The following FOXA3 variants were observed in gnomAD, a reference collection of about 807,000 sequenced individuals.
FOXA3 encodes the protein forkhead box A3.
FOXA3 carries 11 observed loss-of-function variants against 16.9 expected under a neutral mutation model. The ratio of observed to expected loss-of-function variants is 0.65; its 90% CI spans 0.41 to 1.08. FOXA3 has a LOEUF of 1.08. FOXA3 is among the 50% of genes least tolerant of loss of function. The pLI, the probability that FOXA3 is intolerant of heterozygous loss-of-function variation, is 0.00. For missense variants in FOXA3, 423 were observed against 470.1 expected (o/e 0.90, Z 0.93); for synonymous variants, 217 against 203.3 (o/e 1.07, Z -0.57).
chr19:45,871,741 A>G (rs1243225876), intron 1 of FOXA3, among the ~76,000 whole-genome samples: 2 of 152,092 alleles, frequency 1.3e-5, no homozygotes, highest in Non-Finnish European at 2.9e-5. Flanking sequence ...CTCGAAAAAA[A>G]AAATAGCATT....
chr19:45,867,778 T>TAAAAAAAA (rs1600548628), intron 1 of FOXA3, among the ~76,000 whole-genome samples: 1 of 18,550 alleles, frequency 5.4e-5, no homozygotes, highest in African/African-American at 4.1e-4. Context: ...AGACTCTATC[T>TAAAAAAAA]CAAAAAAAAA....
chr19:45,866,265 T>A (rs1002068350), intron 1 of FOXA3, among the ~76,000 whole-genome samples: 2 of 151,920 alleles, frequency 1.3e-5, no homozygotes, highest in African/African-American at 4.8e-5. Flanking sequence ...AATTTTTTTT[T>A]AATTAGTCAG....
At chr19:45,870,786 C>G (rs770244464) in intron 1 of FOXA3, among the ~76,000 whole-genome samples, 1 of 152,000 alleles carries the variant, frequency 6.6e-6, no homozygotes, top group Non-Finnish European at 1.5e-5. Flanking sequence ...CCAGGCTGGT[C>G]TTGAACTTCT....
Position 45,872,502 on chromosome 19 carries a change from G to A in FOXA3, c.497G>A (p.Arg166His), listed in dbSNP as rs1259370331. ...CAGCAGCGCTGGCAGAACTCCATTC[G>A]CCACTCGCTGTCTTTCAACGACTGC... ...ENQQRWQNSI[R>H]HSLSFNDCFV... The change falls in exon 2 of 2, where the codon CGC (arginine) becomes CAC (histidine). Residue 166 changes from arginine to histidine, a missense_variant. By Grantham distance (29) the Arg-to-His change is conservative. Coordinates refer to ENST00000302177, the MANE Select transcript of FOXA3 (RefSeq NM_004497.3). This position sits in a 1 kb window ranked among gnomAD's most constrained non-coding sequence, Gnocchi z 4.5. The A allele has an allele frequency of 3.1e-6, 5 of 1,613,998 alleles. No homozygotes were observed. Among genetic ancestry groups the A allele is most frequent in the Admixed American group, 3.3e-5 (2 of 60,006 alleles).
intron 1 of FOXA3, among the ~76,000 whole-genome samples, chr19:45,869,866 A>C (rs1438982194): frequency 6.6e-6 from 1 of 151,730 alleles, no homozygotes; most frequent in East Asian, 1.9e-4. Flanking sequence ...GCTCACTGCA[A>C]CCTCCACCTT....
intron 1 of FOXA3, among the ~76,000 whole-genome samples, chr19:45,869,760 T>C (rs1025768431): frequency 3.9e-5 from 6 of 151,996 alleles, no homozygotes; most frequent in African/African-American, 1.5e-4. Context: ...CACTTTTATG[T>C]ATAAATACAG....
chr19:45,867,982 TG>T (rs1381661346), intron 1 of FOXA3, among the ~76,000 whole-genome samples: 1 of 125,068 alleles, frequency 8.0e-6, no homozygotes, highest in East Asian at 2.3e-4. Flanking sequence ...GGGTCGAGGG[TG>T]GGCAGGAAGA....
At position 45,864,411 on chromosome 19, in the gene FOXA3, TC is replaced by T. The variant is rs1407637280; in HGVS notation, c.-41del. Reference sequence around the variant, plus strand: ...CGCTGAGAGATCCAGAGCGCTCCGTTCCCCCGGGGCCGGAGCGGGGGCGGGT... The same window carrying T: ...CGCTGAGAGATCCAGAGCGCTCCGTTCCCCGGGGCCGGAGCGGGGGCGGGT... On this transcript the variant is annotated 5_prime_UTR_variant, in exon 1 of 2. Transcript: ENST00000302177. 4.5e-6 allele frequency: 6 copies of T among 1,337,918 alleles called. No homozygotes were observed. Among genetic ancestry groups the T allele is most frequent in the Non-Finnish European group, 5.8e-6 (6 of 1,026,070 alleles). The allele number at this position is 1,337,918 out of a possible 1,614,324, so 82.9% of individuals were successfully genotyped here.
chr19:45,866,527 C>G (rs1184754979), intron 1 of FOXA3, among the ~76,000 whole-genome samples: 1 of 152,104 alleles, frequency 6.6e-6, no homozygotes, highest in Non-Finnish European at 1.5e-5. Context: ...GAGGCTCTCC[C>G]CAGCCTTCCC....
Position 45,872,288 on chromosome 19 carries a change from C to T in FOXA3, c.283C>T (p.Pro95Ser). ...CAGCAGCAGCTCCGGGTACGGGGCC[C>T]CGGGTCCTGGGCTGGTGCACGGGAA... is the stretch of plus-strand genomic sequence containing the variant. ...GGSSSSGYGA[P>S]GPGLVHGKEM... Residue 95 changes from proline to serine, a missense_variant, in exon 2 of 2, where the codon CCG (proline) becomes TCG (serine). Around this residue, in one of 3 missense-constraint regions of FOXA3, gnomAD observed 170 missense variants for 153.9 expected, o/e 1.10. Coordinates refer to ENST00000302177, the MANE Select transcript of FOXA3 (RefSeq NM_004497.3). The surrounding 1 kb of genome is among the most constrained non-coding windows in gnomAD (Gnocchi z 4.5). 2 of 1,613,316 alleles carry T rather than the reference C, an allele frequency of 1.2e-6. No individual in the cohort carries two copies. The highest frequency in any genetic ancestry group is 1.7e-6 in the Non-Finnish European group (2 of 1,179,378).
intron 1 of FOXA3, among the ~76,000 whole-genome samples, chr19:45,870,367 G>T (rs1184739983): frequency 2.0e-5 from 3 of 150,362 alleles, no homozygotes; most frequent in Admixed American, 6.7e-5. Flanking sequence ...TAGAGACAGG[G>T]TTTCACCGTG....
chr19:45,868,344 C>A (rs1350110479), intron 1 of FOXA3, among the ~76,000 whole-genome samples: 2 of 151,928 alleles, frequency 1.3e-5, no homozygotes, highest in Non-Finnish European at 2.9e-5. Context: ...CTTTGGGAGG[C>A]CGAGGCAGGA....
chr19:45,865,372 C>T (rs1435583791), intron 1 of FOXA3, among the ~76,000 whole-genome samples: 3 of 152,158 alleles, frequency 2.0e-5, no homozygotes, highest in East Asian at 3.9e-4. Context: ...TGGGGGGTGG[C>T]GGCATATTCT....
Position 45,873,057 on chromosome 19 carries a change from AGC to A in FOXA3, c.1053_*1del. On this transcript the variant is annotated stop_retained_variant and 3_prime_UTR_variant, in exon 2 of 2. Coordinates refer to ENST00000302177, the MANE Select transcript of FOXA3 (RefSeq NM_004497.3). ...TCCCGCTCTTTGCTTAATGCATCCT[AGC>A]AGGGGTTGGGAACATGGTGGTGGGT... The A allele has an allele frequency of 1.9e-6, 3 of 1,586,508 alleles. No individual in the cohort carries two copies. The South Asian group carries it at 3.4e-5, about 18-fold the overall frequency.
At position 45,872,917 on chromosome 19, in the gene FOXA3, C is replaced by G; in HGVS notation, c.912C>G (p.Phe304Leu). ...CGCCCTACAACTTCAACCACCCTTT[C>G]TCCATCAACAACCTAATGTCAGAAC... The part of the protein sequence containing the change: ...LDAPYNFNHP[F>L]SINNLMSEQT... The change falls in exon 2 of 2, where the codon TTC becomes TTG. Residue 304 changes from phenylalanine (F) to leucine (L), a missense_variant. Around this residue, in one of 3 missense-constraint regions of FOXA3, gnomAD observed 168 missense variants for 179.3 expected, o/e 0.94. Coordinates refer to ENST00000302177, the MANE Select transcript of FOXA3 (RefSeq NM_004497.3). This position sits in a 1 kb window ranked among gnomAD's most constrained non-coding sequence, Gnocchi z 4.5. The G allele has an allele frequency of 6.2e-7, 1 of 1,614,180 alleles. No homozygotes were observed. Among genetic ancestry groups the G allele is most frequent in the Non-Finnish European group, 8.5e-7 (1 of 1,180,032 alleles).
At chr19:45,868,665 A>G (rs959410928) in intron 1 of FOXA3, among the ~76,000 whole-genome samples, 6 of 151,148 alleles carry the variant, frequency 4.0e-5, no homozygotes, top group African/African-American at 7.3e-5. Context: ...CCAGTGCTGT[A>G]TATAGCAGCA....
Position 45,864,427 on chromosome 19 carries a change from C to CGGGGGCGGGT in FOXA3, c.-22_-13dup, listed in dbSNP as rs1203270355. 2.2e-6 allele frequency: 3 copies of CGGGGGCGGGT among 1,381,870 alleles called. No homozygotes were observed. The highest frequency in any genetic ancestry group is 2.9e-6 in the Non-Finnish European group (3 of 1,050,406). 85.6% of individuals were successfully genotyped at this position (1,381,870 alleles called of 1,614,324 possible). A position where few individuals can be genotyped will look rare whatever the true frequency, so the allele number is the denominator to read the frequency against. On this transcript the variant is annotated 5_prime_UTR_variant, in exon 1 of 2. Transcript: ENST00000302177. ...GCGCTCCGTTCCCCCGGGGCCGGAG[C>CGGGGGCGGGT]GGGGGCGGGTGGGGGCGTAAGCCCG...
In FOXA3 at chr19:45,872,967, A is replaced by T. The variant is rs748037946; in HGVS notation, c.962A>T (p.Asp321Val). ...SEQTPAPPKL[D>V]VGFGGYGAEG... ...CAGACACCAGCACCTCCCAAACTGG[A>T]CGTGGGGTTTGGGGGCTACGGGGCT... Residue 321 changes from aspartate (D) to valine (V), a missense_variant, in exon 2 of 2, where the codon GAC becomes GTC. By Grantham distance (152) the Asp-to-Val change is radical (BLOSUM62 -3). Coordinates refer to ENST00000302177, the MANE Select transcript of FOXA3 (RefSeq NM_004497.3). The surrounding 1 kb of genome is among the most constrained non-coding windows in gnomAD (Gnocchi z 4.5). The T allele has an allele frequency of 3.7e-6, 6 of 1,613,966 alleles. No individual in the cohort carries two copies. The highest frequency in any genetic ancestry group is 2.7e-5 in the African/African-American group (2 of 74,894).
chr19:45,871,131 TG>T (rs1265247167), intron 1 of FOXA3, among the ~76,000 whole-genome samples: 1 of 152,124 alleles, frequency 6.6e-6, no homozygotes, highest in African/African-American at 2.4e-5. Flanking sequence ...TCTGTTGATG[TG>T]GGTTATGTCT....
Sources: allele counts gnomAD v4.1 joint callset (sites outside exome capture counted in the v4.1 genomes callset), GRCh38; gene constraint gnomAD v4.1.1; regional missense constraint gnomAD v4.1.1; non-coding constraint Gnocchi (gnomAD v3.1); transcripts MANE v1.5; gene names NCBI Gene and HGNC (gene_info 2026-07-23, HGNC 2026-07-21).